The following CTNND2 variants were observed in gnomAD, a reference collection of about 807,000 sequenced individuals.
CTNND2 encodes the protein catenin delta 2.
Under a neutral mutation model 144.4 loss-of-function variants are expected in CTNND2, and 22 were observed. The ratio of observed to expected loss-of-function variants is 0.15; its 90% CI spans 0.11 to 0.22. CTNND2 has a LOEUF of 0.22. Among genes scored for constraint, CTNND2 ranks in the 10% least tolerant of loss-of-function variants. The pLI is 1.00. For missense variants in CTNND2, 1,353 were observed against 1,618.8 expected, an observed-to-expected ratio of 0.84 and a Z score of 2.82; for synonymous variants, 751 against 695.6, an observed-to-expected ratio of 1.08 and a Z score of -1.25.
At chr5:11,129,206 TA>T (rs1427293600) in intron 12 of CTNND2, among the ~76,000 whole-genome samples, 1 of 44,230 alleles carries the variant, frequency 2.3e-5, no homozygotes, top group Non-Finnish European at 4.0e-5. Flanking sequence ...ATATATTATA[TA>T]TTTATATATT....
intron 1 of CTNND2, among the ~76,000 whole-genome samples, chr5:11,786,707 C>T (rs1430084709): frequency 6.7e-6 from 1 of 149,336 alleles, no homozygotes; most frequent in Non-Finnish European, 1.5e-5. Flanking sequence ...GAAGATCCCT[C>T]TCCTTTAGTT....
At chr5:11,597,999 T>C (rs1203293062) in intron 2 of CTNND2, among the ~76,000 whole-genome samples, 2 of 152,224 alleles carry the variant, frequency 1.3e-5, no homozygotes, top group East Asian at 3.8e-4. Context: ...CATATTCTCA[T>C]GTGATAAAAA....
chr5:11,079,876 G>A (rs1749366563), intron 16 of CTNND2, among the ~76,000 whole-genome samples: 1 of 152,150 alleles, frequency 6.6e-6, no homozygotes, highest in Non-Finnish European at 1.5e-5. Context: ...AAAAATTCTA[G>A]GAGAAAACAG....
At chr5:11,663,397 G>C (rs771662139) in intron 2 of CTNND2, among the ~76,000 whole-genome samples, 1 of 152,122 alleles carries the variant, frequency 6.6e-6, no homozygotes, top group African/African-American at 2.4e-5. Context: ...AATAAGTACA[G>C]CGGAAAATAG....
At chr5:11,451,730 T>G (rs1765330367) in intron 3 of CTNND2, among the ~76,000 whole-genome samples, 1 of 152,244 alleles carries the variant, frequency 6.6e-6, no homozygotes, top group Non-Finnish European at 1.5e-5. Flanking sequence ...ATATTACTAT[T>G]TACATAATTC....
chr5:11,034,351 T>C (rs753056005), intron 16 of CTNND2, among the ~76,000 whole-genome samples: 8 of 152,226 alleles, frequency 5.3e-5, no homozygotes, highest in Non-Finnish European at 7.3e-5. Flanking sequence ...TAATAACTGC[T>C]GTTTCATGAA....
At chr5:11,571,759 T>G (rs1777575149) in intron 2 of CTNND2, among the ~76,000 whole-genome samples, 1 of 152,198 alleles carries the variant, frequency 6.6e-6, no homozygotes, top group South Asian at 2.1e-4. Context: ...TTGGGTATAA[T>G]AAGTCACTTC....
intron 21 of CTNND2, among the ~76,000 whole-genome samples, chr5:10,981,229 C>T (rs1249665994): frequency 6.6e-6 from 1 of 152,144 alleles, no homozygotes; most frequent in Non-Finnish European, 1.5e-5. Flanking sequence ...AACATTGATG[C>T]TGCTGGTTCC....
chr5:11,863,278 G>A (rs886614245), intron 1 of CTNND2, among the ~76,000 whole-genome samples: 4 of 152,168 alleles, frequency 2.6e-5, no homozygotes, highest in Admixed American at 2.6e-4. Context: ...GTTTCTTAGT[G>A]TAAATGGTAT....
At chr5:11,312,195 C>G (rs1751039736) in intron 9 of CTNND2, among the ~76,000 whole-genome samples, 1 of 146,770 alleles carries the variant, frequency 6.8e-6, no homozygotes. Context: ...CCCATACTCA[C>G]CCCACATACA....
intron 9 of CTNND2, among the ~76,000 whole-genome samples, chr5:11,318,964 T>C (rs995313980): frequency 1.3e-5 from 2 of 151,968 alleles, no homozygotes; most frequent in Admixed American, 6.6e-5. Context: ...AACATACTTA[T>C]ATAATGTCAG....
intron 9 of CTNND2, among the ~76,000 whole-genome samples, chr5:11,267,328 G>A (rs183248300): frequency 8.6e-4 from 131 of 152,314 alleles, no homozygotes; most frequent in Non-Finnish European, 1.7e-3. Flanking sequence ...GGGCTACGTG[G>A]TGATGGGGTT....
At chr5:11,465,303 T>A (rs1384122928) in intron 3 of CTNND2, among the ~76,000 whole-genome samples, 1 of 92,168 alleles carries the variant, frequency 1.1e-5, no homozygotes, top group African/African-American at 1.3e-4. Flanking sequence ...AAAACTGAAC[T>A]TTTTTTTTTT....
chr5:11,087,009 T>C (rs569909422), intron 15 of CTNND2, among the ~76,000 whole-genome samples: 4 of 152,360 alleles, frequency 2.6e-5, no homozygotes, highest in South Asian at 2.1e-4. Flanking sequence ...GTTGAATAAT[T>C]CTCTATATTC....
chr5:11,046,304 CAG>C (rs1412213743), intron 16 of CTNND2, among the ~76,000 whole-genome samples: 1 of 152,138 alleles, frequency 6.6e-6, no homozygotes, highest in Admixed American at 6.5e-5. Context: ...GAAGATGAAG[CAG>C]AGATTGAGGC....
At chr5:11,492,715 T>C (rs1769545313) in intron 3 of CTNND2, among the ~76,000 whole-genome samples, 1 of 151,772 alleles carries the variant, frequency 6.6e-6, no homozygotes, top group Non-Finnish European at 1.5e-5. Flanking sequence ...TTAATAAAAA[T>C]ATATATTCAT....
At chr5:11,725,903 G>GA (rs958125060) in intron 2 of CTNND2, among the ~76,000 whole-genome samples, 8 of 152,076 alleles carry the variant, frequency 5.3e-5, no homozygotes, top group Admixed American at 2.6e-4. Flanking sequence ...CCATTTCTCT[G>GA]AAAAAATCAA....
intron 3 of CTNND2, among the ~76,000 whole-genome samples, chr5:11,540,923 G>C (rs1018223359): frequency 6.6e-6 from 1 of 152,114 alleles, no homozygotes; most frequent in Non-Finnish European, 1.5e-5. Context: ...AGTGAATATT[G>C]GCTATTATTG....
At chr5:11,094,794 C>T (rs536416307) in intron 15 of CTNND2, among the ~76,000 whole-genome samples, 2 of 152,232 alleles carry the variant, frequency 1.3e-5, no homozygotes, top group South Asian at 2.1e-4. Flanking sequence ...TGTTGATTTC[C>T]GATAAGGACA....
Sources: gnomAD v4.1 joint callset for allele counts (sites outside exome capture counted in the v4.1 genomes callset) on GRCh38, gnomAD v4.1.1 for gene constraint, MANE v1.5 for transcripts, NCBI Gene and HGNC (gene_info 2026-07-23, HGNC 2026-07-21) for gene names.